The following NRBP2 variants were observed in gnomAD, a reference collection of about 807,000 sequenced individuals.
NRBP2 encodes nuclear receptor binding protein 2.
In NRBP2, 47 loss-of-function variants were observed where a neutral mutation model predicts 74.4. That is an observed-to-expected ratio of 0.63 (90% confidence interval 0.50 to 0.81). The LOEUF is 0.81. NRBP2 is among the 30% of genes least tolerant of loss of function. The pLI is 0.00. For missense variants in NRBP2, 613 were observed against 690.1 expected, an observed-to-expected ratio of 0.89 and a Z score of 1.25; for synonymous variants, 312 against 273.8, an observed-to-expected ratio of 1.14 and a Z score of -1.38.
chr8:143,832,742 T>C (rs1554650513), downstream of NRBP2, among the ~76,000 whole-genome samples: 5 of 152,254 alleles, frequency 3.3e-5, no homozygotes. Flanking sequence ...CTTGTGACCC[T>C]GACACATCCC....
rs1314213335 is a variant in NRBP2, at chr8:143,839,582, TG to T, written c.445-34del. 5 of 1,524,686 alleles carry T rather than the reference TG, an allele frequency of 3.3e-6. No homozygotes were observed. In the African/African-American group the frequency reaches 6.9e-5, roughly 21 times the overall value. The allele number at this position is 1,524,686 out of a possible 1,614,324, so 94.4% of individuals were successfully genotyped here. ...CGGACGCACGACTCCGTCGGTCGGG[TG>T]GGCGCAGGAGAGGCGGCTGGGCCTG... On this transcript the variant is annotated intron_variant, in intron 4 of 17. Coordinates refer to ENST00000442628, the MANE Select transcript of NRBP2 (RefSeq NM_178564.4). The surrounding 1 kb of genome is among the most constrained non-coding windows in gnomAD (Gnocchi z 5.1).
chr8:143,833,019 G>C (rs1034818617), downstream of NRBP2, among the ~76,000 whole-genome samples: 1 of 152,206 alleles, frequency 6.6e-6, no homozygotes, highest in Non-Finnish European at 1.5e-5. Context: ...CTGGAGGATG[G>C]TCCTTCTCAA....
At chr8:143,831,702 G>A (rs1818171453), downstream of NRBP2, among the ~76,000 whole-genome samples, 2 of 152,148 alleles carry the variant, frequency 1.3e-5, no homozygotes, top group African/African-American at 4.8e-5. Flanking sequence ...AATCAGCAGA[G>A]ATAAATCAAG....
Position 143,839,741 on chromosome 8 carries a change from C to A in NRBP2, c.439G>T (p.Ala147Ser). 6.5e-7 allele frequency: 1 copy of A among 1,535,926 alleles called. No individual in the cohort carries two copies. The highest frequency in any genetic ancestry group is 8.7e-7 in the Non-Finnish European group (1 of 1,146,804). The change falls in exon 4 of 18, where the codon GCC (alanine) becomes TCC (serine). Residue 147 changes from alanine (A) to serine (S), a missense_variant. Physicochemically the swap from Ala to Ser is moderately conservative, Grantham distance 99. Coordinates refer to ENST00000442628, the MANE Select transcript of NRBP2 (RefSeq NM_178564.4). This position sits in a 1 kb window ranked among gnomAD's most constrained non-coding sequence, Gnocchi z 5.1. ...CCCCAGCCCGCTCCCCATACCCGGG[C>A]GTTCATGGCCTTGTGGTTCTTCTTG... ...KTKKNHKAMNARAWKRWCTQI... is the reference protein window; with the variant it reads ...KTKKNHKAMNSRAWKRWCTQI...
In NRBP2 at chr8:143,837,364, G is replaced by A. The variant is rs782145344; in HGVS notation, c.1076+43C>T. ...GCGAGGGGAGGGGAGGTGCGGGGAG[G>A]GGAGGTGTGGGGAGGGGAGGCTTCT... On this transcript the variant is annotated intron_variant, in intron 12 of 17. Coordinates refer to ENST00000442628, the MANE Select transcript of NRBP2 (RefSeq NM_178564.4). This position sits in a 1 kb window ranked among gnomAD's most constrained non-coding sequence, Gnocchi z 4.3. 1.3e-5 allele frequency: 20 copies of A among 1,520,812 alleles called. No homozygotes were observed. The African/African-American group carries it at 1.5e-4, about 11-fold the overall frequency. 94.2% of individuals were successfully genotyped at this position (1,520,812 alleles called of 1,614,324 possible).
At chr8:143,836,435 G>A (rs1261513102) in intron 14 of NRBP2, among the ~76,000 whole-genome samples, 1 of 152,082 alleles carries the variant, frequency 6.6e-6, no homozygotes, top group Non-Finnish European at 1.5e-5. Flanking sequence ...TGGGCGTGGG[G>A]AAAGGGAGGT....
downstream of NRBP2, among the ~76,000 whole-genome samples, chr8:143,832,800 CAG>C (rs1354775847): frequency 1.3e-5 from 2 of 152,242 alleles, no homozygotes; most frequent in East Asian, 1.9e-4. Flanking sequence ...TAAGGGAACT[CAG>C]AGGCTGGCGG....
Position 143,837,447 on chromosome 8 carries a change from C to T in NRBP2, c.1036G>A (p.Ala346Thr). The T allele has an allele frequency of 6.2e-7, 1 of 1,609,544 alleles. No individual in the cohort carries two copies. ...TKAMDLHAVLAELPRPRRPPL... is the reference protein window; with the variant it reads ...TKAMDLHAVLTELPRPRRPPL... ...GGCCTGCGGGGCCGGGGAAGCTCCGCCAAGACCGCGTGCAGGTCCATGGCC... is the reference window on the plus strand; with the variant it reads ...GGCCTGCGGGGCCGGGGAAGCTCCGTCAAGACCGCGTGCAGGTCCATGGCC... The change falls in exon 12 of 18, where the codon GCG becomes ACG. Residue 346 changes from alanine to threonine, a missense_variant. Around this residue, in one of 2 missense-constraint regions of NRBP2, gnomAD observed 281 missense variants for 260.9 expected, o/e 1.08. Transcript: ENST00000442628. This position sits in a 1 kb window ranked among gnomAD's most constrained non-coding sequence, Gnocchi z 4.3.
Position 143,840,082 on chromosome 8 carries a change from G to A in NRBP2, c.252+25C>T. The A allele has an allele frequency of 6.5e-7, 1 of 1,536,164 alleles. No individual in the cohort carries two copies. ...GGTCAGCAGGTGGTCACCCAAGCAG[G>A]ATGAGGAGGGGGCAGCGGTCTCACC... On this transcript the variant is annotated intron_variant, in intron 2 of 17. Transcript: ENST00000442628. The surrounding 1 kb of genome is among the most constrained non-coding windows in gnomAD (Gnocchi z 5.7).
chr8:143,830,142 A>G (rs1361511231), downstream of NRBP2, among the ~76,000 whole-genome samples: 1 of 152,258 alleles, frequency 6.6e-6, no homozygotes, highest in African/African-American at 2.4e-5. Context: ...CTTCTACTTA[A>G]ATAGGGCAGA....
rs782288208 is a variant in NRBP2, at chr8:143,835,889, G to A, written c.1382-14C>T. On this transcript the variant is annotated splice_polypyrimidine_tract_variant and intron_variant, in intron 16 of 17. Coordinates refer to ENST00000442628, the MANE Select transcript of NRBP2 (RefSeq NM_178564.4). This position sits in a 1 kb window ranked among gnomAD's most constrained non-coding sequence, Gnocchi z 4.9. ...GGGCGCTGTCCGCTGAGGCAATGGC[G>A]TAAGGCGAGGCATGAGGCCGCTGCC... is the stretch of plus-strand genomic sequence containing the variant. The A allele has an allele frequency of 5.7e-5, 92 of 1,601,428 alleles. No individual in the cohort carries two copies. Among genetic ancestry groups the A allele is most frequent in the South Asian group, 5.5e-4 (50 of 90,322 alleles).
In NRBP2 at chr8:143,839,682, A is replaced by AGGCTGCCCCAACCCCGTCCTGTCCCCGT. The variant is rs1818608567; in HGVS notation, c.444+26_444+53dup. The AGGCTGCCCCAACCCCGTCCTGTCCCCGT allele has an allele frequency of 6.5e-7, 1 of 1,531,616 alleles. No homozygotes were observed. The highest frequency in any genetic ancestry group is 1.4e-5 in the African/African-American group (1 of 72,862). The allele number at this position is 1,531,616 out of a possible 1,614,324, so 94.9% of individuals were successfully genotyped here. On this transcript the variant is annotated intron_variant, in intron 4 of 17. Transcript: ENST00000442628. This position sits in a 1 kb window ranked among gnomAD's most constrained non-coding sequence, Gnocchi z 5.1. Reference sequence around the variant, plus strand: ...CACCCCCTCACCATCCCAGTCCCCGAGGCTGCCCCAACCCCGTCCTGTCCC... The same window carrying AGGCTGCCCCAACCCCGTCCTGTCCCCGT: ...CACCCCCTCACCATCCCAGTCCCCGAGGCTGCCCCAACCCCGTCCTGTCCCCGTGGCTGCCCCAACCCCGTCCTGTCCC...
downstream of NRBP2, among the ~76,000 whole-genome samples, chr8:143,832,847 C>G (rs1213975974): frequency 6.6e-6 from 1 of 152,180 alleles, no homozygotes; most frequent in African/African-American, 2.4e-5. Flanking sequence ...TTCCCCGGGT[C>G]CCCTTATTTC....
rs1818463217 is a variant in NRBP2, at chr8:143,837,410, C to T, written c.1073G>A (p.Trp358Ter). The T allele has an allele frequency of 1.3e-6, 2 of 1,597,294 alleles. No homozygotes were observed. The highest frequency in any genetic ancestry group is 1.7e-6 in the Non-Finnish European group (2 of 1,173,886). The change falls in exon 12 of 18, where the codon TGG becomes TAG. Residue 358 changes from tryptophan (W) to a stop codon, truncating the protein, a stop_gained. Transcript: ENST00000442628. LOFTEE classifies it high-confidence loss of function. The surrounding 1 kb of genome is among the most constrained non-coding windows in gnomAD (Gnocchi z 4.3). The stretch of plus-strand genomic sequence containing the variant: ...CTTCTGGGTGCTGACTGCTCACCGC[C>T]ACTGCAGCGGGGGCCTGCGGGGCCG... ...LPRPRRPPLQ[W>*]RYSEVSFMEL... is the part of the protein sequence containing the mutation.
Position 143,833,813 on chromosome 8 carries a change from T to C in NRBP2, c.*1849A>G, listed in dbSNP as rs537343953. 1 of 152,346 alleles carries C rather than the reference T, an allele frequency of 6.6e-6. No homozygotes were observed. The highest frequency in any genetic ancestry group is 2.1e-4 in the South Asian group (1 of 4,828). 9.4% of individuals were successfully genotyped at this position (152,346 alleles called of 1,614,324 possible). ...TTGCCACTGAAACCATTTAGAACCA[T>C]GCATAATCAGACAGTTTAGCATGAG... On this transcript the variant is annotated 3_prime_UTR_variant, in exon 18 of 18. Coordinates refer to ENST00000442628, the MANE Select transcript of NRBP2 (RefSeq NM_178564.4).
In NRBP2 at chr8:143,840,410, G is replaced by C. The variant is rs1818642602; in HGVS notation, c.130-181C>G. 1.2e-6 allele frequency: 1 copy of C among 834,266 alleles called. No homozygotes were observed. The highest frequency in any genetic ancestry group is 1.7e-5 in the African/African-American group (1 of 58,130). 51.7% of individuals were successfully genotyped at this position (834,266 alleles called of 1,614,324 possible). A position where few individuals can be genotyped will look rare whatever the true frequency, so the allele number is the denominator to read the frequency against. On this transcript the variant is annotated intron_variant, in intron 1 of 17. Transcript: ENST00000442628. This position sits in a 1 kb window ranked among gnomAD's most constrained non-coding sequence, Gnocchi z 5.7. Reference sequence around the variant, plus strand: ...AGGAGCCAAGGGCTCCTATCCAAGGGCTGGGCTAAGGGGATTTGGAGCAGG... The same window carrying C: ...AGGAGCCAAGGGCTCCTATCCAAGGCCTGGGCTAAGGGGATTTGGAGCAGG...
Position 143,835,903 on chromosome 8 carries a change from G to A in NRBP2, c.1382-28C>T, listed in dbSNP as rs2130525672. ...GAGGCAATGGCGTAAGGCGAGGCAT[G>A]AGGCCGCTGCCCACCCGCCGCCTGG... On this transcript the variant is annotated intron_variant, in intron 16 of 17. Coordinates refer to ENST00000442628, the MANE Select transcript of NRBP2 (RefSeq NM_178564.4). This position sits in a 1 kb window ranked among gnomAD's most constrained non-coding sequence, Gnocchi z 4.9. 1.9e-6 allele frequency: 3 copies of A among 1,598,344 alleles called. No homozygotes were observed. The highest frequency in any genetic ancestry group is 2.5e-6 in the Non-Finnish European group (3 of 1,176,544).
In NRBP2 at chr8:143,834,404, C is replaced by T. The variant is rs879957283; in HGVS notation, c.*1258G>A. The T allele has an allele frequency of 6.6e-6, 1 of 152,248 alleles. No homozygotes were observed. The highest frequency in any genetic ancestry group is 2.1e-4 in the South Asian group (1 of 4,836). The allele number at this position is 152,248 out of a possible 1,614,324, so 9.4% of individuals were successfully genotyped here. ...TGCCACCGAAAGGATGTGGATTCTG[C>T]CAGCAGCCTGAAGGAGCAGGAGACA... On this transcript the variant is annotated 3_prime_UTR_variant, in exon 18 of 18. Transcript: ENST00000442628.
Position 143,834,633 on chromosome 8 carries a change from G to A in NRBP2, c.*1029C>T, listed in dbSNP as rs1282139455. On this transcript the variant is annotated 3_prime_UTR_variant, in exon 18 of 18. Coordinates refer to ENST00000442628, the MANE Select transcript of NRBP2 (RefSeq NM_178564.4). ...TTGACATTTGAAATGCGTTTAGAAA[G>A]GCATGAATGCGCTAATGTATACATA... The A allele has an allele frequency of 6.6e-6, 1 of 152,240 alleles. No individual in the cohort carries two copies. The highest frequency in any genetic ancestry group is 2.4e-5 in the African/African-American group (1 of 41,448). The allele number at this position is 152,240 out of a possible 1,614,324, so 9.4% of individuals were successfully genotyped here. A position where few individuals can be genotyped will look rare whatever the true frequency, so the allele number is the denominator to read the frequency against.
Sources: gnomAD v4.1 joint callset for allele counts (sites outside exome capture counted in the v4.1 genomes callset) on GRCh38, gnomAD v4.1.1 for gene constraint, gnomAD v4.1.1 regional missense constraint, Gnocchi (gnomAD v3.1) non-coding constraint, MANE v1.5 for transcripts, NCBI Gene and HGNC (gene_info 2026-07-23, HGNC 2026-07-21) for gene names.